Variants in CDON observed in about 807,000 individuals in gnomAD.
CDON encodes cell adhesion molecule-related/down-regulated by oncogenes.
A neutral mutation model predicts 120.9 loss-of-function variants in CDON; 73 were observed. That is an observed-to-expected ratio of 0.60 (90% confidence interval 0.50 to 0.73). The LOEUF (loss-of-function observed/expected upper bound fraction) is 0.73. CDON is among the 30% of genes least tolerant of loss of function. The pLI is 0.00. For missense variants in CDON, 1,470 were observed against 1,587.3 expected (o/e 0.93, Z 1.26); for synonymous variants, 566 against 573.5 (o/e 0.99, Z 0.19).
chr11:125,988,839 A>C (rs1946543420), intron 15 of CDON, among the ~76,000 whole-genome samples: 1 of 152,222 alleles, frequency 6.6e-6, no homozygotes, highest in Admixed American at 6.5e-5. Flanking sequence ...AAACAAGTAG[A>C]TAGAAGTTAC....
intron 10 of CDON, among the ~76,000 whole-genome samples, chr11:126,002,243 C>T (rs116781226): frequency 6.6e-6 from 1 of 152,136 alleles, no homozygotes; most frequent in Non-Finnish European, 1.5e-5. Flanking sequence ...AAAAGCCTCA[C>T]ATTGTTTTAA....
chr11:126,014,885 CAT>C (rs1293040025), intron 7 of CDON: 7 of 222,642 alleles, frequency 3.1e-5, no homozygotes, highest in South Asian at 1.6e-4. Flanking sequence ...TGAAACCACT[CAT>C]ATGTGCACTA....
At chr11:126,014,664 A>G (rs1041631440) in intron 7 of CDON, among the ~76,000 whole-genome samples, 1 of 152,234 alleles carries the variant, frequency 6.6e-6, no homozygotes, top group African/African-American at 2.4e-5. Flanking sequence ...ACAACCATCA[A>G]TAAGGTACTA....
At chr11:125,969,349 A>C (rs1310951164) in intron 18 of CDON, among the ~76,000 whole-genome samples, 1 of 152,268 alleles carries the variant, frequency 6.6e-6, no homozygotes, top group Non-Finnish European at 1.5e-5. Flanking sequence ...TTCCAAAGCA[A>C]TTAGATGATC....
At position 126,010,584 on chromosome 11, in the gene CDON, G is replaced by C. The variant is rs372488329; in HGVS notation, c.1309C>G (p.Arg437Gly). 2 of 1,613,968 alleles carry C rather than the reference G, an allele frequency of 1.2e-6. No homozygotes were observed. Among genetic ancestry groups the C allele is most frequent in the Non-Finnish European group, 1.7e-6 (2 of 1,179,980 alleles). ...NASGLPVPVI[R>G]WYDSHGLITS... Reference sequence around the variant, plus strand: ...ATCAATCCATGGCTGTCATACCAACGAATGACCGGAACCGGCAGCCCACTG... The same window carrying C: ...ATCAATCCATGGCTGTCATACCAACCAATGACCGGAACCGGCAGCCCACTG... Residue 437 changes from arginine (R) to glycine (G), a missense_variant, in exon 8 of 20, where the codon CGT becomes GGT. Coordinates refer to ENST00000531738, the MANE Select transcript of CDON (RefSeq NM_001378964.1).
rs71048763 is a variant in CDON, at chr11:126,040,814, CAAAAAAAAAAAAAAAAA to C, written c.-61-17294_-61-17278del. On this transcript the variant is annotated intron_variant, in intron 1 of 19. Transcript: ENST00000531738. ...CGGGCAACAGAGAAAGACTCCGTCT[CAAAAAAAAAAAAAAAAA>C]AAAAAAAAAAAAAAAGGTACTAAAG... Among the ~76,000 whole-genome samples the C allele has an allele frequency of 3.0e-3, 137 of 45,028 alleles. 1 individual carries two copies. Among genetic ancestry groups the C allele is most frequent in the African/African-American group, 0.01 (128 of 12,224 alleles). The allele number at this position is 45,028 out of a possible 152,430, so 29.5% of individuals were successfully genotyped here. A position where few individuals can be genotyped will look rare whatever the true frequency, so the allele number is the denominator to read the frequency against.
chr11:125,956,923 G>C lies in CDON; in HGVS notation c.*4019C>G, dbSNP rs1413795164. ...TTTAAGGAAGGCTTATTTAAATATGGGAAATAAAATACAAAAGGGCCACAC... is the reference window on the plus strand; with the variant it reads ...TTTAAGGAAGGCTTATTTAAATATGCGAAATAAAATACAAAAGGGCCACAC... On this transcript the variant is annotated 3_prime_UTR_variant, in exon 20 of 20. Coordinates refer to ENST00000531738, the MANE Select transcript of CDON (RefSeq NM_001378964.1). 1.2e-5 allele frequency: 11 copies of C among 925,562 alleles called. No homozygotes were observed. The highest frequency in any genetic ancestry group is 1.4e-5 in the Non-Finnish European group (11 of 775,652). 57.3% of individuals were successfully genotyped at this position (925,562 alleles called of 1,614,324 possible). A position where few individuals can be genotyped will look rare whatever the true frequency, so the allele number is the denominator to read the frequency against.
intron 11 of CDON, among the ~76,000 whole-genome samples, chr11:126,000,666 A>C (rs1408088058): frequency 6.6e-6 from 1 of 152,198 alleles, no homozygotes; most frequent in African/African-American, 2.4e-5. Context: ...TCATATACGT[A>C]ATCTGCTTAA....
At chr11:126,055,830 T>C (rs1234831857) in intron 1 of CDON, among the ~76,000 whole-genome samples, 1 of 152,190 alleles carries the variant, frequency 6.6e-6, no homozygotes. Context: ...AGTCCCTATT[T>C]AAGTAAGGAA....
intron 1 of CDON, among the ~76,000 whole-genome samples, chr11:126,051,980 C>T (rs921874927): frequency 4.6e-5 from 7 of 152,042 alleles, no homozygotes; most frequent in South Asian, 2.1e-4. Context: ...CATCCTCAAA[C>T]GCAAAAGAAA....
rs2134670770 is a variant in CDON, at chr11:126,017,325, A to C, written c.691T>G (p.Leu231Val). 1 of 1,614,182 alleles carries C rather than the reference A, an allele frequency of 6.2e-7. No homozygotes were observed. The highest frequency in any genetic ancestry group is 8.5e-7 in the Non-Finnish European group (1 of 1,180,016). Residue 231 changes from leucine to valine, a missense_variant, in exon 6 of 20, where the codon TTA (leucine) becomes GTA (valine). Transcript: ENST00000531738. ...HILHPTHSQA[L>V]AVLSRSPVTL... ...ACAGGGCTACGAGAAAGAACAGCTA[A>C]TGCCTGTGAATGGGTGGGGTGAAGA...
chr11:125,981,203 C>A lies in CDON; in HGVS notation c.3122G>T (p.Gly1041Val). ...AAGGTGGGAATAGCCACTGCTGAGACCGCCATTGGTTAGGAAGCCTCCGTG... is the reference window on the plus strand; with the variant it reads ...AAGGTGGGAATAGCCACTGCTGAGAACGCCATTGGTTAGGAAGCCTCCGTG... ...NVHGGFLTNG[G>V]LSSGYSHLHH... is the part of the protein sequence containing the mutation. The change falls in exon 17 of 20, where the codon GGT (glycine) becomes GTT (valine). Residue 1041 changes from glycine (G) to valine (V), a missense_variant. Coordinates refer to ENST00000531738, the MANE Select transcript of CDON (RefSeq NM_001378964.1). 2 of 1,614,194 alleles carry A rather than the reference C, an allele frequency of 1.2e-6. No homozygotes were observed. Among genetic ancestry groups the A allele is most frequent in the Non-Finnish European group, 1.7e-6 (2 of 1,180,030 alleles).
intron 18 of CDON, among the ~76,000 whole-genome samples, chr11:125,970,395 G>A (rs929259620): frequency 4.0e-5 from 6 of 151,854 alleles, no homozygotes; most frequent in Admixed American, 3.3e-4. Context: ...GGCTGGTCTC[G>A]AACTTCTGAC....
chr11:125,995,662 C>T (rs1309946694), intron 12 of CDON, among the ~76,000 whole-genome samples: 1 of 152,024 alleles, frequency 6.6e-6, no homozygotes, highest in Non-Finnish European at 1.5e-5. Flanking sequence ...AAAATCGGAA[C>T]CTAAAGAATA....
chr11:126,009,465 GC>G (rs1450307103), intron 8 of CDON, among the ~76,000 whole-genome samples: 1 of 152,134 alleles, frequency 6.6e-6, no homozygotes, highest in Admixed American at 6.5e-5. Flanking sequence ...AAATGCTGGA[GC>G]CCCAGACCTG....
intron 1 of CDON, among the ~76,000 whole-genome samples, chr11:126,047,970 A>G (rs1396866690): frequency 6.6e-6 from 1 of 152,228 alleles, no homozygotes; most frequent in Non-Finnish European, 1.5e-5. Context: ...AATGACATAA[A>G]TGATAAAAAT....
intron 1 of CDON, among the ~76,000 whole-genome samples, chr11:126,028,495 TGG>T (rs1190131690): frequency 6.6e-6 from 1 of 152,052 alleles, no homozygotes; most frequent in Middle Eastern, 3.2e-3. Flanking sequence ...CCCAAGTAGC[TGG>T]GATTACAGGC....
intron 2 of CDON, among the ~76,000 whole-genome samples, chr11:126,022,887 C>T (rs1947680680): frequency 6.6e-6 from 1 of 152,142 alleles, no homozygotes. Context: ...AGGCATGGGG[C>T]TTACATACAC....
At chr11:126,059,524 C>T (rs911875066) in intron 1 of CDON, among the ~76,000 whole-genome samples, 4 of 151,088 alleles carry the variant, frequency 2.6e-5, no homozygotes, top group African/African-American at 9.8e-5. Context: ...TGCTCCACTC[C>T]CTCTGCACAC....
Sources: allele counts gnomAD v4.1 joint callset (sites outside exome capture counted in the v4.1 genomes callset), GRCh38; gene constraint gnomAD v4.1.1; transcripts MANE v1.5; gene names NCBI Gene and HGNC (gene_info 2026-07-23, HGNC 2026-07-21).